TJP1: variants seen among roughly 807,000 people sequenced by gnomAD.
TJP1 encodes the protein tight junction protein 1, also known as tight junction protein ZO-1.
Under a neutral mutation model 194.2 loss-of-function variants are expected in TJP1, and 43 were observed. That is an observed-to-expected ratio of 0.22 (90% CI 0.17 to 0.29). The LOEUF (loss-of-function observed/expected upper bound fraction) is 0.29. TJP1 is among the 10% of genes least tolerant of loss of function. The pLI is 1.00. For missense variants in TJP1, 1,971 were observed against 2,185.7 expected, an observed-to-expected ratio of 0.90 and a Z score of 1.96; for synonymous variants, 801 against 779.0, an observed-to-expected ratio of 1.03 and a Z score of -0.47.
At chr15:29,960,727 C>T (rs1263087741) in intron 1 of TJP1, among the ~76,000 whole-genome samples, 1 of 151,960 alleles carries the variant, frequency 6.6e-6, no homozygotes, top group Non-Finnish European at 1.5e-5. Context: ...ACAGACTCCA[C>T]AGGAAGATGG....
At position 29,737,429 on chromosome 15, in the gene TJP1, A is replaced by G. The variant is rs1486589047; in HGVS notation, c.1257-15T>C. 6.2e-7 allele frequency: 1 copy of G among 1,614,106 alleles called. No individual in the cohort carries two copies. The highest frequency in any genetic ancestry group is 1.3e-5 in the African/African-American group (1 of 75,064). On this transcript the variant is annotated splice_polypyrimidine_tract_variant and intron_variant, in intron 10 of 27. Coordinates refer to ENST00000614355, the MANE Select transcript of TJP1 (RefSeq NM_001330239.4). ...TCATGCTGGGCCTGTTAAAACAGAT[A>G]TTTCATTTGAAACAGTTAAGAAGAG...
intron 2 of TJP1, among the ~76,000 whole-genome samples, chr15:29,920,993 T>C (rs1567197918): frequency 2.0e-5 from 3 of 152,308 alleles, no homozygotes; most frequent in East Asian, 1.9e-4. Context: ...GATCGGCAGA[T>C]ACGTGATAAA....
At chr15:29,725,963 T>G (rs1052409081) in intron 18 of TJP1, among the ~76,000 whole-genome samples, 2 of 152,190 alleles carry the variant, frequency 1.3e-5, no homozygotes, top group Non-Finnish European at 2.9e-5. Flanking sequence ...GCCTTCTCTC[T>G]TAGAGCAAGT....
At chr15:29,761,337 A>T in intron 7 of TJP1, 51 bp from the exon 8 acceptor site, 1 of 1,599,036 alleles carries the variant, frequency 6.3e-7, no homozygotes, top group Non-Finnish European at 8.5e-7. Context: ...ATTACAGTCA[A>T]GTATAAGGTA....
chr15:29,785,749 C>T (rs1399624589), intron 2 of TJP1, among the ~76,000 whole-genome samples: 2 of 152,136 alleles, frequency 1.3e-5, no homozygotes, highest in Non-Finnish European at 2.9e-5. Context: ...TTTCAATGAA[C>T]ATTCAATGGA....
At chr15:29,889,445 CTT>C in intron 2 of TJP1, among the ~76,000 whole-genome samples, 1 of 152,246 alleles carries the variant, frequency 6.6e-6, no homozygotes, top group Admixed American at 6.5e-5. Flanking sequence ...AACAATCAGT[CTT>C]ATTTTATGCA....
In TJP1 at chr15:29,761,130, G is replaced by T; in HGVS notation, c.1010+9C>A. On this transcript the variant is annotated intron_variant, in intron 8 of 27. Transcript: ENST00000614355. ...CCCCTGTATTTTTTAAAAAAATAGG[G>T]TGTCTTACCTGCCATTGCTTGGCTG... The T allele has an allele frequency of 1.9e-6, 3 of 1,579,596 alleles. No homozygotes were observed. The highest frequency in any genetic ancestry group is 1.9e-5 in the Admixed American group (1 of 53,204).
rs1196451438 is a variant in TJP1 at position 29,760,204 on chromosome 15, G to T, written c.1010+935C>A. 4.3e-6 allele frequency: 3 copies of T among 702,280 alleles called. No individual in the cohort carries two copies. The East Asian group carries it at 8.0e-5, about 19-fold the overall frequency. 43.5% of individuals were successfully genotyped at this position (702,280 alleles called of 1,614,324 possible). ...CAGGTGGTGGCCTATAGAGCCTTGG[G>T]AGTCTCCAGAAATTGTATGCAATTG... On this transcript the variant is annotated intron_variant, in intron 8 of 27. Transcript: ENST00000614355.
chr15:29,720,055 G>A lies in TJP1; in HGVS notation c.2764-39C>T, dbSNP rs2042834302. On this transcript the variant is annotated intron_variant, in intron 19 of 27. Transcript: ENST00000614355. Reference sequence around the variant, plus strand: ...AAAATATTTTAAATATAGTGTTTCTGTTTACTGCTAACTTTCCACTTCAAT... The same window carrying A: ...AAAATATTTTAAATATAGTGTTTCTATTTACTGCTAACTTTCCACTTCAAT... The A allele has an allele frequency of 2.6e-6, 4 of 1,546,880 alleles. No individual in the cohort carries two copies. The East Asian group carries it at 9.0e-5, about 35-fold the overall frequency.
chr15:29,860,381 GTTATAC>G (rs1382623974), intron 2 of TJP1, among the ~76,000 whole-genome samples: 1 of 152,124 alleles, frequency 6.6e-6, no homozygotes, highest in Non-Finnish European at 1.5e-5. Flanking sequence ...GATTTGCACA[GTTATAC>G]TTAAAAACCC....
Position 29,789,563 on chromosome 15 carries a change from A to C in TJP1, c.84+11083T>G, listed in dbSNP as rs565003911. ...TAGGGTTTCAATGGTTTCTAGAAATATAAGATGAAGAAAATATCTTCTGGA... is the reference window on the plus strand; with the variant it reads ...TAGGGTTTCAATGGTTTCTAGAAATCTAAGATGAAGAAAATATCTTCTGGA... On this transcript the variant is annotated intron_variant, in intron 2 of 27. Transcript: ENST00000614355. Among the ~76,000 whole-genome samples the C allele has an allele frequency of 9.8e-5, 15 of 152,362 alleles. No homozygotes were observed. The South Asian group carries it at 3.1e-3, about 32-fold the overall frequency.
intron 2 of TJP1, among the ~76,000 whole-genome samples, chr15:29,953,197 G>C (rs1436774866): frequency 1.5e-5 from 2 of 132,950 alleles, no homozygotes; most frequent in Admixed American, 1.7e-4. Context: ...ACTGGAGTGC[G>C]GTGGCACCAT....
chr15:29,825,154 G>A (rs1054410853), upstream of TJP1, among the ~76,000 whole-genome samples: 2 of 152,066 alleles, frequency 1.3e-5, no homozygotes, highest in African/African-American at 2.4e-5. Context: ...TTTTAGGTAG[G>A]TGCTTTGACA....
At chr15:29,750,855 C>G (rs138313222) in intron 8 of TJP1, among the ~76,000 whole-genome samples, 5 of 152,306 alleles carry the variant, frequency 3.3e-5, no homozygotes, top group Admixed American at 2.0e-4. Flanking sequence ...AAAACAAAAG[C>G]TAGCTACTAA....
chr15:29,761,200 C>T lies in TJP1; in HGVS notation c.949G>A (p.Asp317Asn). 1 of 1,614,064 alleles carries T rather than the reference C, an allele frequency of 6.2e-7. No individual in the cohort carries two copies. The highest frequency in any genetic ancestry group is 8.5e-7 in the Non-Finnish European group (1 of 1,179,988). ...TGATCAGAAGGCTCTGACCGCTGGT[C>T]AGGAGATCGTGACCGGCTGCGGCGG... ...PPRRSRSRSP[D>N]QRSEPSDHSR... is the part of the protein sequence containing the mutation. Residue 317 changes from aspartate to asparagine, a missense_variant, in exon 8 of 28, where the codon GAC becomes AAC. This residue lies in a region of TJP1 where 192 missense variants were observed against 182.3 expected (regional missense o/e 1.05). Transcript: ENST00000614355.
At chr15:29,860,950 A>G (rs987364178) in intron 2 of TJP1, among the ~76,000 whole-genome samples, 3 of 152,236 alleles carry the variant, frequency 2.0e-5, no homozygotes, top group Non-Finnish European at 4.4e-5. Flanking sequence ...AGACTACACT[A>G]TAGTGTAATC....
intron 3 of TJP1, 51 bp downstream of exon 3, chr15:29,773,179 TGAG>T: frequency 1.9e-6 from 3 of 1,603,126 alleles, no homozygotes; most frequent in South Asian, 2.2e-5. Context: ...CGCCAGTGCC[TGAG>T]GAGAGGAACA....
chr15:29,730,119 T>A (rs934535684), intron 15 of TJP1, among the ~76,000 whole-genome samples: 1 of 151,330 alleles, frequency 6.6e-6, no homozygotes, highest in South Asian at 2.1e-4. Context: ...AAAAGAAAAA[T>A]TGGATATAAA....
rs2050430779 is a variant in TJP1, at chr15:29,822,147, C to A, written c.-119G>T. On this transcript the variant is annotated 5_prime_UTR_variant, in exon 1 of 28. Coordinates refer to ENST00000614355, the MANE Select transcript of TJP1 (RefSeq NM_001330239.4). ...CTCCCGAGAGCGAGCGGGGCACGGG[C>A]GGGGGCGGCCGGAAGGGCCCGGCCC... The A allele has an allele frequency of 4.2e-6, 5 of 1,178,240 alleles. No individual in the cohort carries two copies. Among genetic ancestry groups the A allele is most frequent in the Non-Finnish European group, 5.2e-6 (5 of 952,658 alleles). The allele number at this position is 1,178,240 out of a possible 1,614,324, so 73.0% of individuals were successfully genotyped here. A position where few individuals can be genotyped will look rare whatever the true frequency, so the allele number is the denominator to read the frequency against.
Sources: allele counts gnomAD v4.1 joint callset (sites outside exome capture counted in the v4.1 genomes callset), GRCh38; gene constraint gnomAD v4.1.1; regional missense constraint gnomAD v4.1.1; transcripts MANE v1.5; gene names NCBI Gene and HGNC (gene_info 2026-07-23, HGNC 2026-07-21).